The following STAC variants were observed in gnomAD, a reference collection of about 807,000 sequenced individuals.
STAC encodes SH3 and cysteine rich domain.
A neutral mutation model predicts 48.8 loss-of-function variants in STAC; 43 were observed. The ratio of observed to expected loss-of-function variants is 0.88; its 90% CI spans 0.69 to 1.14. STAC has a LOEUF of 1.14. Ranked by LOEUF, STAC falls within the 50% of genes most tolerant of loss-of-function variation. The pLI is 0.00. For synonymous variants in STAC, 193 were observed against 179.5 expected (o/e 1.07, Z -0.60); for missense variants, 497 against 504.0 (o/e 0.99, Z 0.13).
intron 8 of STAC, among the ~76,000 whole-genome samples, chr3:36,519,807 A>C (rs1026578416): frequency 6.6e-6 from 1 of 152,222 alleles, no homozygotes; most frequent in Non-Finnish European, 1.5e-5. Flanking sequence ...CCTTGTTCAA[A>C]TGAGAACTCA....
intron 1 of STAC, among the ~76,000 whole-genome samples, chr3:36,407,674 T>A (rs1700111803): frequency 1.3e-5 from 2 of 152,318 alleles, no homozygotes; most frequent in South Asian, 2.1e-4. Context: ...AGTTCAGTGG[T>A]TTAGCACAAA....
intron 1 of STAC, among the ~76,000 whole-genome samples, chr3:36,398,301 A>AAG (rs1172842199): frequency 5.5e-5 from 6 of 108,166 alleles, no homozygotes; most frequent in Admixed American, 1.9e-4. Flanking sequence ...TTAAAAAAGA[A>AAG]AGAAAGAAAG....
intron 1 of STAC, among the ~76,000 whole-genome samples, chr3:36,396,629 A>G (rs1699863407): frequency 6.6e-6 from 1 of 152,190 alleles, no homozygotes; most frequent in Non-Finnish European, 1.5e-5. Flanking sequence ...TTTCCTGTTG[A>G]TAATTTTGCT....
chr3:36,525,766 T>C (rs1698917471), intron 8 of STAC, among the ~76,000 whole-genome samples: 1 of 152,044 alleles, frequency 6.6e-6, no homozygotes, highest in African/African-American at 2.4e-5. Context: ...TTCAGCCACC[T>C]CGCTTTCTGC....
chr3:36,543,025 C>A (rs1256703485), intron 10 of STAC, among the ~76,000 whole-genome samples: 1 of 152,142 alleles, frequency 6.6e-6, no homozygotes, highest in Non-Finnish European at 1.5e-5. Flanking sequence ...CTAGGGAGAT[C>A]AACTGTTCAA....
At chr3:36,448,499 G>A (rs962038796) in intron 2 of STAC, among the ~76,000 whole-genome samples, 1 of 152,100 alleles carries the variant, frequency 6.6e-6, no homozygotes, top group East Asian at 1.9e-4. Context: ...TGAATTACAG[G>A]CATGAGCCAC....
At chr3:36,493,519 T>C (rs941099162) in intron 6 of STAC, among the ~76,000 whole-genome samples, 3 of 151,616 alleles carry the variant, frequency 2.0e-5, no homozygotes, top group Non-Finnish European at 2.9e-5. Flanking sequence ...TGTATTGGGG[T>C]TTAAGAGTCG....
chr3:36,522,364 A>G (rs1029589767), intron 8 of STAC, among the ~76,000 whole-genome samples: 14 of 152,224 alleles, frequency 9.2e-5, no homozygotes, highest in African/African-American at 3.4e-4. Flanking sequence ...ATGTCTTTAC[A>G]ATAACAGCCA....
rs149144371 is a variant in STAC at position 36,463,204 on chromosome 3, C to A, written c.388+19564C>A. 1.5e-3 allele frequency among the ~76,000 whole-genome samples: 226 copies of A among 152,206 alleles called. 2 individuals carry two copies. Among genetic ancestry groups the A allele is most frequent in the East Asian group, 7.3e-3 (38 of 5,188 alleles). On this transcript the variant is annotated intron_variant, in intron 2 of 10. Coordinates refer to ENST00000273183, the MANE Select transcript of STAC (RefSeq NM_003149.3). Reference sequence around the variant, plus strand: ...GAAGCTTTTTTGTTATATTGTGCAACTTCATAGAAGGGAATTCTCTCAATG... The same window carrying A: ...GAAGCTTTTTTGTTATATTGTGCAAATTCATAGAAGGGAATTCTCTCAATG...
chr3:36,536,017 T>C (rs932415348), intron 10 of STAC, among the ~76,000 whole-genome samples: 1 of 152,160 alleles, frequency 6.6e-6, no homozygotes, highest in African/African-American at 2.4e-5. Context: ...CCTTTTCAAT[T>C]GTTTGGAATA....
intron 6 of STAC, among the ~76,000 whole-genome samples, chr3:36,498,260 T>C (rs2125709681): frequency 6.6e-6 from 1 of 152,192 alleles, no homozygotes; most frequent in East Asian, 1.9e-4. Flanking sequence ...ACTTCGAGAA[T>C]TTTTTTTAAG....
chr3:36,430,307 G>A (rs1700669696), intron 1 of STAC, among the ~76,000 whole-genome samples: 1 of 152,166 alleles, frequency 6.6e-6, no homozygotes, highest in Non-Finnish European at 1.5e-5. Flanking sequence ...ATGGTAGAAT[G>A]ATAGGGCACC....
chr3:36,484,963 C>T lies in STAC; in HGVS notation c.490-14C>T. 6.3e-7 allele frequency: 1 copy of T among 1,586,858 alleles called. No individual in the cohort carries two copies. The highest frequency in any genetic ancestry group is 8.6e-7 in the Non-Finnish European group (1 of 1,165,702). ...AGTGACATTAACCCCTTGCCTTCCT[C>T]ATTCTCTCTCCAGCCAAAGGGGTTT... On this transcript the variant is annotated splice_polypyrimidine_tract_variant and intron_variant, in intron 3 of 10. Coordinates refer to ENST00000273183, the MANE Select transcript of STAC (RefSeq NM_003149.3).
At chr3:36,540,630 G>T (rs1699302301) in intron 10 of STAC, among the ~76,000 whole-genome samples, 1 of 152,118 alleles carries the variant, frequency 6.6e-6, no homozygotes, top group Non-Finnish European at 1.5e-5. Context: ...AGAGGATGAG[G>T]GTGGCCTCTA....
chr3:36,501,509 C>T lies in STAC; in HGVS notation c.767-2884C>T, dbSNP rs146456855. Reference sequence around the variant, plus strand: ...AAAAGAAAACCAAAGAATTTTATAACCAACTTCATGCCAATGTACTTTAAA... The same window carrying T: ...AAAAGAAAACCAAAGAATTTTATAATCAACTTCATGCCAATGTACTTTAAA... On this transcript the variant is annotated intron_variant, in intron 6 of 10. Transcript: ENST00000273183. Among the ~76,000 whole-genome samples the T allele has an allele frequency of 2.9e-3, 443 of 152,000 alleles. 1 individual carries two copies. Among genetic ancestry groups the T allele is most frequent in the Admixed American group, 4.8e-3 (74 of 15,274 alleles).
intron 10 of STAC, among the ~76,000 whole-genome samples, chr3:36,531,816 A>T (rs1234182034): frequency 6.6e-6 from 1 of 152,190 alleles, no homozygotes; most frequent in Non-Finnish European, 1.5e-5. Flanking sequence ...TGGAGAAGTG[A>T]GGAGAGACCT....
chr3:36,457,977 A>T (rs1696898648), intron 2 of STAC, among the ~76,000 whole-genome samples: 1 of 152,200 alleles, frequency 6.6e-6, no homozygotes, highest in East Asian at 1.9e-4. Context: ...GAAATAGGAA[A>T]GATCAACAGA....
chr3:36,475,059 A>G lies in STAC; in HGVS notation c.389-7933A>G, dbSNP rs113228867. The stretch of plus-strand genomic sequence containing the variant: ...TGTATATCCACTGACAAACTCTTTC[A>G]AACTTAGTTTGATTTTTTCCTCAAT... On this transcript the variant is annotated intron_variant, in intron 2 of 10. Transcript: ENST00000273183. 8.1e-3 allele frequency among the ~76,000 whole-genome samples: 1,227 copies of G among 151,914 alleles called. 20 individuals carry two copies. The highest frequency in any genetic ancestry group is 0.026 in the African/African-American group (1,076 of 41,386).
rs1699462378 is a variant in STAC at position 36,546,964 on chromosome 3, T to A, written c.*675T>A. 1.3e-5 allele frequency: 2 copies of A among 152,454 alleles called. No homozygotes were observed. Among genetic ancestry groups the A allele is most frequent in the Non-Finnish European group, 2.9e-5 (2 of 68,260 alleles). The allele number at this position is 152,454 out of a possible 1,614,324, so 9.4% of individuals were successfully genotyped here. ...AAGACCTGACCTGCCTAAAGACTGA[T>A]GACAGGCCATCCTTCCTGCTGTTCT... On this transcript the variant is annotated 3_prime_UTR_variant, in exon 11 of 11. Coordinates refer to ENST00000273183, the MANE Select transcript of STAC (RefSeq NM_003149.3).
Sources: gnomAD v4.1 joint callset for allele counts (sites outside exome capture counted in the v4.1 genomes callset) on GRCh38, gnomAD v4.1.1 for gene constraint, MANE v1.5 for transcripts, NCBI Gene and HGNC (gene_info 2026-07-23, HGNC 2026-07-21) for gene names.